Variants in RSRC1 observed in about 807,000 individuals in gnomAD.
RSRC1 encodes the protein arginine and serine rich coiled-coil 1.
A neutral mutation model predicts 49.1 loss-of-function variants in RSRC1; 39 were observed. That is an observed-to-expected ratio of 0.79 (90% CI 0.61 to 1.04). The LOEUF (loss-of-function observed/expected upper bound fraction) is 1.04, where lower values mean the gene tolerates loss of function less well. Ranked by LOEUF, RSRC1 falls within the 50% of genes least tolerant of loss-of-function variation. The probability of loss-of-function intolerance (pLI) is 0.00; values close to 1 mark genes in which losing one functional copy is unlikely to be tolerated. For missense variants in RSRC1, 388 were observed against 402.4 expected (o/e 0.96, Z 0.31); for synonymous variants, 143 against 130.8 (o/e 1.09, Z -0.63).
At chr3:158,423,823 A>G (rs1428886783) in intron 6 of RSRC1, among the ~76,000 whole-genome samples, 1 of 151,654 alleles carries the variant, frequency 6.6e-6, no homozygotes, top group Non-Finnish European at 1.5e-5. Flanking sequence ...TAGGTATTTT[A>G]TTCTCTTTGA....
intron 3 of RSRC1, among the ~76,000 whole-genome samples, chr3:158,159,682 A>G (rs1247242008): frequency 1.3e-5 from 2 of 152,318 alleles, no homozygotes; most frequent in East Asian, 1.9e-4. Flanking sequence ...TGTTTTGAAT[A>G]GAAAAGCTTA....
At chr3:158,187,471 G>A (rs1719995788) in intron 3 of RSRC1, among the ~76,000 whole-genome samples, 1 of 151,938 alleles carries the variant, frequency 6.6e-6, no homozygotes, top group African/African-American at 2.4e-5. Flanking sequence ...AACTTGATAT[G>A]AGTTATAGGT....
chr3:158,138,484 G>T (rs1716542159), intron 3 of RSRC1, among the ~76,000 whole-genome samples: 1 of 152,158 alleles, frequency 6.6e-6, no homozygotes, highest in Non-Finnish European at 1.5e-5. Flanking sequence ...TTTGTTTCCT[G>T]GGCAGGGCCC....
At chr3:158,221,948 A>G (rs558630926) in intron 4 of RSRC1, among the ~76,000 whole-genome samples, 1 of 151,668 alleles carries the variant, frequency 6.6e-6, no homozygotes, top group African/African-American at 2.4e-5. Flanking sequence ...TTTGGCTGTT[A>G]TAGATATGCT....
At chr3:158,511,154 G>C (rs1447133154) in intron 7 of RSRC1, among the ~76,000 whole-genome samples, 3 of 151,270 alleles carry the variant, frequency 2.0e-5, no homozygotes, top group Non-Finnish European at 4.4e-5. Flanking sequence ...TGTGCACAAT[G>C]TGCAGGTTAG....
chr3:158,145,612 C>T (rs528093565), intron 3 of RSRC1, among the ~76,000 whole-genome samples: 203 of 152,172 alleles, frequency 1.3e-3, no homozygotes, highest in African/African-American at 4.1e-3. Flanking sequence ...CTTGGCAATG[C>T]GGGCTCTTTT....
chr3:158,124,734 A>G (rs1281592762), intron 3 of RSRC1, among the ~76,000 whole-genome samples: 5 of 151,034 alleles, frequency 3.3e-5, no homozygotes, highest in East Asian at 3.9e-4. Flanking sequence ...AATCCTTTCA[A>G]TGTTTGTGGC....
At chr3:158,319,537 C>T (rs1559991010) in intron 5 of RSRC1, among the ~76,000 whole-genome samples, 1 of 152,286 alleles carries the variant, frequency 6.6e-6, no homozygotes, top group East Asian at 1.9e-4. Flanking sequence ...GTGAATCTAA[C>T]ACAATTTAAG....
intron 7 of RSRC1, among the ~76,000 whole-genome samples, chr3:158,500,432 A>G (rs779391610): frequency 6.6e-6 from 1 of 152,130 alleles, no homozygotes; most frequent in Non-Finnish European, 1.5e-5. Context: ...AATAGTGTCA[A>G]AAGGATTGGT....
intron 7 of RSRC1, among the ~76,000 whole-genome samples, chr3:158,500,229 T>C (rs962500719): frequency 1.3e-5 from 2 of 152,164 alleles, no homozygotes; most frequent in Non-Finnish European, 2.9e-5. Flanking sequence ...TTCATCATGG[T>C]GGGTTATCTT....
intron 6 of RSRC1, among the ~76,000 whole-genome samples, chr3:158,374,376 TGA>T (rs1462788215): frequency 6.6e-6 from 1 of 152,118 alleles, no homozygotes; most frequent in East Asian, 1.9e-4. Flanking sequence ...AAAAAGAAGA[TGA>T]GAGGACGGGA....
intron 5 of RSRC1, among the ~76,000 whole-genome samples, chr3:158,345,009 G>A (rs188647918): frequency 1.3e-5 from 2 of 151,888 alleles, no homozygotes; most frequent in Admixed American, 6.6e-5. Flanking sequence ...GCCTGAGGTC[G>A]GGAGTTTGAG....
intron 7 of RSRC1, among the ~76,000 whole-genome samples, chr3:158,470,386 A>G (rs978996560): frequency 1.1e-4 from 16 of 149,868 alleles, no homozygotes; most frequent in Non-Finnish European, 2.1e-4. Flanking sequence ...ATATAAAACC[A>G]TCTTCAGTGT....
At chr3:158,165,675 T>C (rs931261701) in intron 3 of RSRC1, among the ~76,000 whole-genome samples, 1 of 152,220 alleles carries the variant, frequency 6.6e-6, no homozygotes, top group Non-Finnish European at 1.5e-5. Context: ...TCATTAGCAA[T>C]TAGTAAAATA....
At chr3:158,302,707 G>T (rs1382886591) in intron 5 of RSRC1, 1 of 125,184 alleles carries the variant, frequency 8.0e-6, no homozygotes, top group East Asian at 2.6e-4. Flanking sequence ...AGTCTCCCAG[G>T]CAGGAGAGCA....
At chr3:158,215,942 T>G (rs1427721195) in intron 4 of RSRC1, among the ~76,000 whole-genome samples, 1 of 151,698 alleles carries the variant, frequency 6.6e-6, no homozygotes, top group East Asian at 1.9e-4. Flanking sequence ...TTTTTGTTAC[T>G]TTTAATTATT....
At chr3:158,363,141 G>A (rs1421851533) in intron 6 of RSRC1, among the ~76,000 whole-genome samples, 2 of 152,100 alleles carry the variant, frequency 1.3e-5, no homozygotes, top group African/African-American at 4.8e-5. Context: ...ACTGCATGGA[G>A]AGTTAATTAG....
intron 4 of RSRC1, among the ~76,000 whole-genome samples, chr3:158,294,365 T>C (rs1484426340): frequency 6.6e-6 from 1 of 152,184 alleles, no homozygotes; most frequent in Non-Finnish European, 1.5e-5. Context: ...ATATTGGTTC[T>C]TTTTCATAAC....
intron 4 of RSRC1, among the ~76,000 whole-genome samples, chr3:158,234,925 C>G (rs1414740508): frequency 6.6e-6 from 1 of 151,924 alleles, no homozygotes; most frequent in Non-Finnish European, 1.5e-5. Context: ...TTAATGAAAC[C>G]TCTGTTATAG....
Sources: allele counts gnomAD v4.1 joint callset (sites outside exome capture counted in the v4.1 genomes callset), GRCh38; gene constraint gnomAD v4.1.1; transcripts MANE v1.5; gene names NCBI Gene and HGNC (gene_info 2026-07-23, HGNC 2026-07-21).